The following RASAL1 variants were observed in gnomAD, a reference collection of about 807,000 sequenced individuals.
The protein encoded by RASAL1 is RAS protein activator like 1, also known as rasGAP-activating-like protein 1.
A neutral mutation model predicts 96.6 loss-of-function variants in RASAL1; 72 were observed. The ratio of observed to expected loss-of-function variants is 0.75; its 90% CI spans 0.62 to 0.91. The LOEUF (loss-of-function observed/expected upper bound fraction) is 0.91. Ranked by LOEUF, RASAL1 falls within the 40% of genes least tolerant of loss-of-function variation. The pLI is 0.00. For synonymous variants in RASAL1, 405 were observed against 430.4 expected (o/e 0.94, Z 0.73); for missense variants, 1,016 against 1,072.5 (o/e 0.95, Z 0.74).
At position 113,135,292 on chromosome 12, in the gene RASAL1, A is replaced by G. The variant is rs1592976747; in HGVS notation, c.65+106T>C. On this transcript the variant is annotated intron_variant, in intron 1 of 20. Coordinates refer to ENST00000548055, the MANE Select transcript of RASAL1 (RefSeq NM_001301202.2). This position sits in a 1 kb window ranked among gnomAD's most constrained non-coding sequence, Gnocchi z 5.7. ...GCCCCAAGACCAGTCTTGGACAAGAACCCCTCGCCCTCCTGCCAACCCGCC... is the reference window on the plus strand; with the variant it reads ...GCCCCAAGACCAGTCTTGGACAAGAGCCCCTCGCCCTCCTGCCAACCCGCC... 2 of 1,055,268 alleles carry G rather than the reference A, an allele frequency of 1.9e-6. No individual in the cohort carries two copies. The highest frequency in any genetic ancestry group is 3.2e-5 in the African/African-American group (2 of 62,870). The allele number at this position is 1,055,268 out of a possible 1,614,324, so 65.4% of individuals were successfully genotyped here.
chr12:113,123,169 T>C (rs1474046664), intron 4 of RASAL1, among the ~76,000 whole-genome samples: 1 of 152,258 alleles, frequency 6.6e-6, no homozygotes, highest in African/African-American at 2.4e-5. Flanking sequence ...ATTACATCTT[T>C]TATTTCTTTA....
Position 113,104,148 on chromosome 12 carries a change from G to T in RASAL1, c.1968+13C>A, listed in dbSNP as rs1461297014. On this transcript the variant is annotated intron_variant, in intron 17 of 20. Transcript: ENST00000548055. ...AGGGACGCCCCCCGCTCCCCATCGC[G>T]GTGGGGTCTCACCTTGCACTGGAGG... is the stretch of plus-strand genomic sequence containing the variant. 2 of 1,597,926 alleles carry T rather than the reference G, an allele frequency of 1.3e-6. No individual in the cohort carries two copies. The highest frequency in any genetic ancestry group is 1.7e-5 in the Admixed American group (1 of 59,522).
intron 12 of RASAL1, among the ~76,000 whole-genome samples, 153 bp downstream of exon 12, chr12:113,114,647 G>A (rs997201116): frequency 3.3e-5 from 5 of 152,126 alleles, no homozygotes; most frequent in Non-Finnish European, 7.4e-5. Flanking sequence ...ATGGTTTAAG[G>A]GCTTGTGTGT....
At chr12:113,106,826 C>T (rs139282882) in intron 15 of RASAL1, among the ~76,000 whole-genome samples, 29 of 152,290 alleles carry the variant, frequency 1.9e-4, no homozygotes, top group African/African-American at 4.8e-4. Context: ...ATTTAGTAAG[C>T]GCTTAATAGA....
Position 113,129,144 on chromosome 12 carries a change from G to A in RASAL1, c.123-966C>T, listed in dbSNP as rs1012479236. On this transcript the variant is annotated intron_variant, in intron 2 of 20. Transcript: ENST00000548055. The surrounding 1 kb of genome is among the most constrained non-coding windows in gnomAD (Gnocchi z 5.0). The stretch of plus-strand genomic sequence containing the variant: ...ACAGACCCCCCTTCCACAAGCAGGC[G>A]CTCTCTCCCAGCAATTAGGACATGG... 2.6e-5 allele frequency among the ~76,000 whole-genome samples: 4 copies of A among 152,150 alleles called. No individual in the cohort carries two copies. Among genetic ancestry groups the A allele is most frequent in the Admixed American group, 6.5e-5 (1 of 15,270 alleles).
chr12:113,103,878 C>T, intron 18 of RASAL1, 68 bp downstream of exon 18: 1 of 1,538,108 alleles, frequency 6.5e-7, no homozygotes, highest in Non-Finnish European at 8.7e-7. Context: ...CCAGCCCAGG[C>T]GGAAGTGGGA....
intron 5 of RASAL1, 116 bp from the exon 6 acceptor site, chr12:113,119,559 A>G: frequency 9.8e-7 from 1 of 1,015,408 alleles, no homozygotes; most frequent in South Asian, 1.4e-5. Flanking sequence ...AAACTGTTCC[A>G]TGTAGGGGTC....
intron 4 of RASAL1, among the ~76,000 whole-genome samples, chr12:113,124,535 C>A (rs969898574): frequency 8.5e-5 from 13 of 152,296 alleles, no homozygotes; most frequent in African/African-American, 3.1e-4. Context: ...ATTTCACTGC[C>A]CTGGGAGGAT....
At chr12:113,110,204 T>TGGGGAGGAG (rs1266661647) in intron 13 of RASAL1, among the ~76,000 whole-genome samples, 1 of 152,100 alleles carries the variant, frequency 6.6e-6, no homozygotes, top group African/African-American at 2.4e-5. Flanking sequence ...ACTCCTCAGC[T>TGGGGAGGAG]GGGGAGGAGG....
At chr12:113,134,545 G>C (rs1951841448) in intron 1 of RASAL1, among the ~76,000 whole-genome samples, 1 of 152,212 alleles carries the variant, frequency 6.6e-6, no homozygotes. Context: ...GGCCCAGAGA[G>C]AAGCAGGTTC....
At chr12:113,102,139 C>CCGTGTGTGGCCT in intron 18 of RASAL1, 130 bp from the exon 19 acceptor site, 1 of 1,134,456 alleles carries the variant, frequency 8.8e-7, no homozygotes, top group Non-Finnish European at 1.2e-6. Flanking sequence ...TTCTAGGCCA[C>CCGTGTGTGGCCT]ACACGGTGGC....
chr12:113,114,866 C>T lies in RASAL1; in HGVS notation c.1115G>A (p.Ser372Asn). The T allele has an allele frequency of 6.2e-7, 1 of 1,614,190 alleles. No individual in the cohort carries two copies. The highest frequency in any genetic ancestry group is 1.3e-5 in the African/African-American group (1 of 75,068). ...GTACTTCTTCTCCTCAAAGACACGG[C>T]TAATCACAGGCTTCAGGACCTCGTG... ...YLHEVLKPVI[S>N]RVFEEKKYME... Residue 372 changes from serine (S) to asparagine (N), a missense_variant, in exon 12 of 21, where the codon AGC (serine) becomes AAC (asparagine). By Grantham distance (46) the Ser-to-Asn change is conservative (BLOSUM62 1). Transcript: ENST00000548055.
chr12:113,110,642 G>A (rs529255345), intron 13 of RASAL1, among the ~76,000 whole-genome samples: 3 of 152,310 alleles, frequency 2.0e-5, no homozygotes, highest in African/African-American at 7.2e-5. Flanking sequence ...AGATCAGGCC[G>A]GGCGCGGTGG....
intron 13 of RASAL1, 37 bp downstream of exon 13, chr12:113,112,049 G>A (rs1381377589): frequency 3.2e-6 from 4 of 1,232,392 alleles, no homozygotes; most frequent in Non-Finnish European, 4.1e-6. Context: ...GACAAGCTCC[G>A]GCCTGTCCCC....
At chr12:113,128,624 C>T (rs1457835828) in intron 2 of RASAL1, among the ~76,000 whole-genome samples, 2 of 152,088 alleles carry the variant, frequency 1.3e-5, no homozygotes, top group Non-Finnish European at 1.5e-5. Flanking sequence ...TAGCAACCAA[C>T]AGAAACATAT....
intron 14 of RASAL1, 101 bp from the exon 15 acceptor site, chr12:113,107,342 G>A: frequency 7.4e-7 from 1 of 1,351,498 alleles, no homozygotes; most frequent in Middle Eastern, 2.7e-4. Flanking sequence ...GACTCATATT[G>A]CCGGGCACAG....
intron 11 of RASAL1, 70 bp from the exon 12 acceptor site, chr12:113,114,982 A>G: frequency 7.8e-7 from 1 of 1,284,320 alleles, no homozygotes; most frequent in Non-Finnish European, 1.1e-6. Flanking sequence ...AGCTGGGCGC[A>G]GGGGGGACCA....
At chr12:113,114,710 G>A (rs769438433) in intron 12 of RASAL1, 90 bp downstream of exon 12, 9 of 1,082,196 alleles carry the variant, frequency 8.3e-6, no homozygotes, top group Admixed American at 1.7e-5. Flanking sequence ...CCCAGGGTGG[G>A]TGGCAGTCAG....
chr12:113,115,709 A>C lies in RASAL1; in HGVS notation c.929T>G (p.Val310Gly). 1.2e-6 allele frequency: 2 copies of C among 1,613,970 alleles called. No individual in the cohort carries two copies. The highest frequency in any genetic ancestry group is 1.7e-6 in the Non-Finnish European group (2 of 1,179,984). Residue 310 changes from valine to glycine, a missense_variant, in exon 10 of 21, where the codon GTG becomes GGG. By Grantham distance (109) the Val-to-Gly change is moderately radical. Coordinates refer to ENST00000548055, the MANE Select transcript of RASAL1 (RefSeq NM_001301202.2). This position sits in a 1 kb window ranked among gnomAD's most constrained non-coding sequence, Gnocchi z 4.1. ...DCRQDLATKL[V>G]KLFLGRGLAG... is the part of the protein sequence containing the mutation. ...CAGTCCCCGGCCAAGAAAGAGTTTC[A>C]CCAGCTTGGTGGCAAGGTCCTGGCG...
Sources: gnomAD v4.1 joint callset for allele counts (sites outside exome capture counted in the v4.1 genomes callset) on GRCh38, gnomAD v4.1.1 for gene constraint, Gnocchi (gnomAD v3.1) non-coding constraint, MANE v1.5 for transcripts, NCBI Gene and HGNC (gene_info 2026-07-23, HGNC 2026-07-21) for gene names.